Variants in UBE2H observed in about 807,000 individuals in gnomAD.
UBE2H encodes the protein ubiquitin conjugating enzyme E2 H, also known as ubiquitin-conjugating enzyme E2 H.
UBE2H carries 3 observed loss-of-function variants against 29.0 expected under a neutral mutation model. The ratio of observed to expected loss-of-function variants is 0.10; its 90% confidence interval spans 0.05 to 0.27. UBE2H has a LOEUF of 0.27. UBE2H is among the 10% of genes least tolerant of loss of function. The pLI, the probability that UBE2H is intolerant of heterozygous loss-of-function variation, is 1.00. For synonymous variants in UBE2H, 69 were observed against 82.9 expected, an observed-to-expected ratio of 0.83 and a Z score of 0.91; for missense variants, 68 against 228.2, an observed-to-expected ratio of 0.30 and a Z score of 4.52.
Position 129,952,904 on chromosome 7 carries a change from C to A in UBE2H, c.-349G>T, listed in dbSNP as rs564752689. On this transcript the variant is annotated 5_prime_UTR_variant, in exon 1 of 7. It adds an upstream start codon to the 5' untranslated region. Transcript: ENST00000355621. Reference sequence around the variant, plus strand: ...CACCCTCTGACCGGCTCCTAGCAGCCTCCACTATAAGCGGACGACTCCTGC... The same window carrying A: ...CACCCTCTGACCGGCTCCTAGCAGCATCCACTATAAGCGGACGACTCCTGC... The A allele has an allele frequency of 8.2e-5, 15 of 183,802 alleles. No homozygotes were observed. Among genetic ancestry groups the A allele is most frequent in the South Asian group, 7.8e-4 (4 of 5,160 alleles). 11.4% of individuals were successfully genotyped at this position (183,802 alleles called of 1,614,324 possible). A position where few individuals can be genotyped will look rare whatever the true frequency, so the allele number is the denominator to read the frequency against.
intron 3 of UBE2H, among the ~76,000 whole-genome samples, chr7:129,878,814 A>C (rs1448642483): frequency 6.6e-6 from 1 of 150,998 alleles, no homozygotes; most frequent in Non-Finnish European, 1.5e-5. Context: ...CTTACTTAAA[A>C]TTGTTCAATA....
At chr7:129,854,060 G>GGTTTTTTTTTTTTTTTATTT in intron 5 of UBE2H, among the ~76,000 whole-genome samples, 1 of 100,282 alleles carries the variant, frequency 1.0e-5, no homozygotes, top group East Asian at 2.7e-4. Flanking sequence ...TTTAGTGTTA[G>GGTTTTTTTTTTTTTTTATTT]TTTTTTTTTT....
At position 129,938,223 on chromosome 7, in the gene UBE2H, C is replaced by A. The variant is rs190699385; in HGVS notation, c.53+14280G>T. ...CTCAGGAGTTCAAGAACAGCCTGGG[C>A]AACATGGCAAAACCCTGTCTCTACA... On this transcript the variant is annotated intron_variant, in intron 1 of 6. Transcript: ENST00000355621. Among the ~76,000 whole-genome samples the A allele has an allele frequency of 1.7e-3, 261 of 151,842 alleles. 1 individual carries two copies. The highest frequency in any genetic ancestry group is 0.017 in the Middle Eastern group (5 of 294).
At chr7:129,944,748 A>ACACACACACACACACG (rs34490269) in intron 1 of UBE2H, among the ~76,000 whole-genome samples, 6 of 140,156 alleles carry the variant, frequency 4.3e-5, no homozygotes, top group East Asian at 2.0e-4. Flanking sequence ...ACACACACAC[A>ACACACACACACACACG]CACGCACGCA....
chr7:129,890,256 C>CACACGTATATATACACACGTATATATAT (rs1806449196), intron 1 of UBE2H, among the ~76,000 whole-genome samples: 1 of 150,708 alleles, frequency 6.6e-6, no homozygotes, highest in South Asian at 2.1e-4. Context: ...CGTATACATA[C>CACACGTATATATACACACGTATATATAT]ACACGTATAT....
In UBE2H at chr7:129,849,348, C is replaced by T. The variant is rs139999331; in HGVS notation, c.298+8163G>A. Among the ~76,000 whole-genome samples the T allele has an allele frequency of 3.5e-4, 54 of 152,248 alleles. No individual in the cohort carries two copies. The East Asian group carries it at 9.3e-3, about 26-fold the overall frequency. ...ATCCCAGCACTTTGGGAGGCTGAGG[C>T]GGGCAGATCACTTGAAGTCAGGGGT... is the stretch of plus-strand genomic sequence containing the variant. On this transcript the variant is annotated intron_variant, in intron 5 of 6. Transcript: ENST00000355621.
chr7:129,927,400 C>T (rs1266077486), intron 1 of UBE2H, among the ~76,000 whole-genome samples: 1 of 152,044 alleles, frequency 6.6e-6, no homozygotes, highest in Admixed American at 6.6e-5. Flanking sequence ...ATTAGCCGGG[C>T]GTGGTGGTGG....
rs192614797 is a variant in UBE2H, at chr7:129,856,659, T to C, written c.298+852A>G. Among the ~76,000 whole-genome samples the C allele has an allele frequency of 1.1e-3, 161 of 152,284 alleles. 3 individuals carry two copies. The highest frequency in any genetic ancestry group is 9.8e-3 in the Admixed American group (150 of 15,292). ...GGACATGTGGAGGGAAAAACAGATT[T>C]ATTTGTTGTATCCCTAATTAACTTC... On this transcript the variant is annotated intron_variant, in intron 5 of 6. Coordinates refer to ENST00000355621, the MANE Select transcript of UBE2H (RefSeq NM_003344.4).
At chr7:129,892,670 A>G (rs1207753326) in intron 1 of UBE2H, among the ~76,000 whole-genome samples, 1 of 152,158 alleles carries the variant, frequency 6.6e-6, no homozygotes, top group South Asian at 2.1e-4. Context: ...TTGCTGTAGA[A>G]AATTTCCCAT....
At chr7:129,941,670 A>G (rs1014763376) in intron 1 of UBE2H, among the ~76,000 whole-genome samples, 3 of 151,778 alleles carry the variant, frequency 2.0e-5, no homozygotes, top group Non-Finnish European at 4.4e-5. Flanking sequence ...CTGCACCCTC[A>G]ATCTCCTGAG....
intron 3 of UBE2H, among the ~76,000 whole-genome samples, chr7:129,877,948 T>C (rs1316727192): frequency 6.6e-6 from 1 of 152,214 alleles, no homozygotes; most frequent in South Asian, 2.1e-4. Flanking sequence ...AAACTAGACT[T>C]AGCATGCCAG....
At chr7:129,902,408 G>A (rs1806734637) in intron 1 of UBE2H, among the ~76,000 whole-genome samples, 1 of 152,222 alleles carries the variant, frequency 6.6e-6, no homozygotes, top group African/African-American at 2.4e-5. Flanking sequence ...GGCTGAGGCA[G>A]GAGAATCGCT....
intron 3 of UBE2H, among the ~76,000 whole-genome samples, chr7:129,864,644 C>G (rs1057001597): frequency 2.0e-5 from 3 of 149,336 alleles, no homozygotes; most frequent in African/African-American, 4.9e-5. Context: ...CTCCACCTCA[C>G]GGGTTCAAGC....
At chr7:129,940,499 C>T (rs1471935178) in intron 1 of UBE2H, among the ~76,000 whole-genome samples, 1 of 152,182 alleles carries the variant, frequency 6.6e-6, no homozygotes, top group African/African-American at 2.4e-5. Flanking sequence ...AAAGTCCAGC[C>T]AAGCCTCTCC....
At chr7:129,935,274 C>T (rs1584796466) in intron 1 of UBE2H, among the ~76,000 whole-genome samples, 1 of 151,318 alleles carries the variant, frequency 6.6e-6, no homozygotes, top group South Asian at 2.1e-4. Context: ...ATTTGCTGGG[C>T]GTGGTAGTGC....
chr7:129,940,671 A>T (rs1254468999), intron 1 of UBE2H, among the ~76,000 whole-genome samples: 2 of 152,170 alleles, frequency 1.3e-5, no homozygotes, highest in African/African-American at 4.8e-5. Context: ...GCTGCCATGT[A>T]GGGCTTCCCC....
intron 3 of UBE2H, among the ~76,000 whole-genome samples, chr7:129,860,470 G>A (rs761071729): frequency 3.5e-4 from 54 of 152,178 alleles, no homozygotes; most frequent in Non-Finnish European, 6.9e-4. Context: ...GTATTAAGAG[G>A]AGAAAAATTA....
At chr7:129,885,250 G>A (rs1345684269) in intron 1 of UBE2H, among the ~76,000 whole-genome samples, 1 of 152,138 alleles carries the variant, frequency 6.6e-6, no homozygotes, top group Non-Finnish European at 1.5e-5. Flanking sequence ...GATAATGAAA[G>A]AACGGAGTAG....
chr7:129,928,797 TAC>T (rs1167663027), intron 1 of UBE2H, among the ~76,000 whole-genome samples: 3 of 151,894 alleles, frequency 2.0e-5, no homozygotes, highest in African/African-American at 7.3e-5. Flanking sequence ...AATATATATA[TAC>T]ATATATAAAG....
Sources: allele counts gnomAD v4.1 joint callset (sites outside exome capture counted in the v4.1 genomes callset), GRCh38; gene constraint gnomAD v4.1.1; transcripts MANE v1.5; gene names NCBI Gene and HGNC (gene_info 2026-07-23, HGNC 2026-07-21).